The following PPARGC1A variants were observed in gnomAD, a reference collection of about 807,000 sequenced individuals.
PPARGC1A encodes the protein PPARG coactivator 1 alpha, also known as peroxisome proliferator-activated receptor gamma coactivator 1-alpha.
PPARGC1A carries 25 observed loss-of-function variants against 88.7 expected under a neutral mutation model. The ratio of observed to expected loss-of-function variants is 0.28; its 90% CI spans 0.21 to 0.39. PPARGC1A has a LOEUF of 0.39. PPARGC1A is among the 10% of genes least tolerant of loss of function. The pLI is 1.00. For synonymous variants in PPARGC1A, 363 were observed against 355.6 expected (o/e 1.02, Z -0.24); for missense variants, 880 against 968.7 (o/e 0.91, Z 1.22).
At chr4:24,391,304 A>G in the PPARGC1A span, among the ~76,000 whole-genome samples, 1 of 152,180 alleles carries the variant, frequency 6.6e-6, no homozygotes, top group African/African-American at 2.4e-5. Flanking sequence ...TCATCCAAAT[A>G]AAGTTGGCTC....
chr4:24,339,229 TATATATATACACAC>T, the PPARGC1A span, among the ~76,000 whole-genome samples: 1 of 100,054 alleles, frequency 1.0e-5, no homozygotes, highest in Admixed American at 1.1e-4. Flanking sequence ...TATATATATA[TATATATATACACAC>T]ACACACACAC....
At chr4:24,101,535 C>T in the PPARGC1A span, among the ~76,000 whole-genome samples, 3 of 152,266 alleles carry the variant, frequency 2.0e-5, no homozygotes, top group African/African-American at 7.2e-5. Flanking sequence ...AATTACCCTG[C>T]TTTTATCTTT....
the PPARGC1A span, among the ~76,000 whole-genome samples, chr4:24,198,886 A>G: frequency 6.6e-6 from 1 of 152,178 alleles, no homozygotes; most frequent in African/African-American, 2.4e-5. Context: ...GCTCCTTACT[A>G]TGGAGAACAC....
At chr4:23,984,974 G>A in the PPARGC1A span, among the ~76,000 whole-genome samples, 2 of 152,036 alleles carry the variant, frequency 1.3e-5, no homozygotes, top group African/African-American at 2.4e-5. Context: ...CCCACTATAC[G>A]CAATGCCATC....
chr4:24,267,602 A>G, the PPARGC1A span, among the ~76,000 whole-genome samples: 1 of 152,178 alleles, frequency 6.6e-6, no homozygotes, highest in Non-Finnish European at 1.5e-5. Context: ...GGGTGAGAAG[A>G]GGGTGAGGAG....
the PPARGC1A span, among the ~76,000 whole-genome samples, chr4:24,353,508 C>T: frequency 3.3e-5 from 5 of 152,084 alleles, no homozygotes; most frequent in South Asian, 4.1e-4. Context: ...GCGAAAGACT[C>T]GGCCACTAAA....
At chr4:24,148,249 A>T in the PPARGC1A span, among the ~76,000 whole-genome samples, 1 of 152,172 alleles carries the variant, frequency 6.6e-6, no homozygotes, top group Non-Finnish European at 1.5e-5. Flanking sequence ...TGGATCTAAG[A>T]TGCACTAGCA....
At chr4:24,136,330 TGTCCCACAG>T in the PPARGC1A span, among the ~76,000 whole-genome samples, 1 of 152,230 alleles carries the variant, frequency 6.6e-6, no homozygotes, top group South Asian at 2.1e-4. Flanking sequence ...CTACAATCCA[TGTCCCACAG>T]TTGGATTTCT....
the PPARGC1A span, among the ~76,000 whole-genome samples, chr4:23,921,963 ATTCATTCATTCG>A: frequency 6.6e-6 from 1 of 152,348 alleles, no homozygotes; most frequent in East Asian, 1.9e-4. Flanking sequence ...AATACCATTC[ATTCATTCATTCG>A]TTCATTCATT....
the PPARGC1A span, among the ~76,000 whole-genome samples, chr4:23,945,596 G>C: frequency 6.6e-6 from 1 of 152,174 alleles, no homozygotes. Context: ...GCTGGGCCTA[G>C]ACAATAGGAA....
the PPARGC1A span, among the ~76,000 whole-genome samples, chr4:24,048,175 T>C: frequency 6.6e-6 from 1 of 152,206 alleles, no homozygotes; most frequent in African/African-American, 2.4e-5. Context: ...AGTCATGCCC[T>C]CTAATCCATT....
At chr4:24,231,071 A>C in the PPARGC1A span, among the ~76,000 whole-genome samples, 1 of 152,142 alleles carries the variant, frequency 6.6e-6, no homozygotes, top group Non-Finnish European at 1.5e-5. Flanking sequence ...AACAGAGAAA[A>C]ATCGAGAATG....
At chr4:24,053,729 G>C in the PPARGC1A span, among the ~76,000 whole-genome samples, 1 of 152,178 alleles carries the variant, frequency 6.6e-6, no homozygotes, top group Non-Finnish European at 1.5e-5. Context: ...TTTGTAGTAT[G>C]GGGATCAAGC....
chr4:23,974,081 A>G, the PPARGC1A span, among the ~76,000 whole-genome samples: 3 of 152,194 alleles, frequency 2.0e-5, no homozygotes, highest in Non-Finnish European at 4.4e-5. Flanking sequence ...GAGGAGTAGC[A>G]GTAGAGAACG....
chr4:23,918,620 C>T, the PPARGC1A span, among the ~76,000 whole-genome samples: 4 of 152,272 alleles, frequency 2.6e-5, no homozygotes, highest in East Asian at 5.8e-4. Context: ...TTAGGGCTTG[C>T]ATATTTTTAT....
At chr4:24,437,419 G>T in the PPARGC1A span, among the ~76,000 whole-genome samples, 1 of 152,142 alleles carries the variant, frequency 6.6e-6, no homozygotes, top group Non-Finnish European at 1.5e-5. Flanking sequence ...GGGAACGGGG[G>T]GTCCTAGGGC....
chr4:24,282,539 T>A, the PPARGC1A span, among the ~76,000 whole-genome samples: 1 of 152,248 alleles, frequency 6.6e-6, no homozygotes, highest in Non-Finnish European at 1.5e-5. Flanking sequence ...GTGTCACTGA[T>A]GAGGACTTTA....
chr4:24,114,426 G>T, the PPARGC1A span, among the ~76,000 whole-genome samples: 3 of 152,158 alleles, frequency 2.0e-5, no homozygotes, highest in East Asian at 1.9e-4. Context: ...CTAGGCAAAG[G>T]TCTGGAAAAA....
the PPARGC1A span, among the ~76,000 whole-genome samples, chr4:24,128,130 C>T: frequency 6.6e-6 from 1 of 152,144 alleles, no homozygotes; most frequent in Non-Finnish European, 1.5e-5. Context: ...AGGGCTGCTG[C>T]TTCTGTGGAG....
Sources: allele counts gnomAD v4.1 joint callset (sites outside exome capture counted in the v4.1 genomes callset), GRCh38; gene constraint gnomAD v4.1.1; transcripts MANE v1.5; gene names NCBI Gene and HGNC (gene_info 2026-07-23, HGNC 2026-07-21).